The following PCDH15 variants were observed in gnomAD, a reference collection of about 807,000 sequenced individuals.
PCDH15 encodes the protein protocadherin-15.
In PCDH15, 129 loss-of-function variants were observed where a neutral mutation model predicts 178.5. The observed-to-expected ratio is 0.72, with a 90% CI of 0.63 to 0.84. PCDH15 has a LOEUF of 0.84. PCDH15 is among the 40% of genes least tolerant of loss of function. The pLI is 0.00. For missense variants in PCDH15, 2,230 were observed against 2,099.9 expected, an observed-to-expected ratio of 1.06 and a Z score of -1.21; for synonymous variants, 800 against 732.0, an observed-to-expected ratio of 1.09 and a Z score of -1.50.
At chr10:55,473,270 T>A (rs1195641523) in intron 2 of PCDH15, among the ~76,000 whole-genome samples, 1 of 152,156 alleles carries the variant, frequency 6.6e-6, no homozygotes, top group Non-Finnish European at 1.5e-5. Context: ...AGCTTTCTTT[T>A]TTATGCACTC....
At chr10:54,351,292 C>A (rs2134257259) in intron 5 of PCDH15, among the ~76,000 whole-genome samples, 1 of 152,138 alleles carries the variant, frequency 6.6e-6, no homozygotes, top group African/African-American at 2.4e-5. Flanking sequence ...AAAGACATGG[C>A]AGAAAGCCCA....
At chr10:54,522,669 C>T (rs2082997143) in intron 3 of PCDH15, among the ~76,000 whole-genome samples, 1 of 152,102 alleles carries the variant, frequency 6.6e-6, no homozygotes, top group Non-Finnish European at 1.5e-5. Flanking sequence ...TCTGATGCAT[C>T]GCCAGTACCA....
intron 1 of PCDH15, among the ~76,000 whole-genome samples, chr10:55,193,395 T>C (rs1440965076): frequency 6.6e-6 from 1 of 151,950 alleles, no homozygotes; most frequent in Non-Finnish European, 1.5e-5. Flanking sequence ...ATGTGCCTAG[T>C]CTGAGTTATT....
chr10:54,395,595 T>C (rs1951106020), intron 3 of PCDH15, among the ~76,000 whole-genome samples: 1 of 151,752 alleles, frequency 6.6e-6, no homozygotes, highest in Non-Finnish European at 1.5e-5. Flanking sequence ...ATCGTTTTGA[T>C]TAAAGTCACA....
rs781579614 is a variant in PCDH15, at chr10:54,066,777, C to A, written c.2200G>T (p.Ala734Ser). Residue 734 changes from alanine (A) to serine (S), a missense_variant, in exon 18 of 38, where the codon GCC (alanine) becomes TCC (serine). By Grantham distance (99) the Ala-to-Ser change is moderately conservative. Transcript: ENST00000644397. ...NLSVVEEEAN[A>S]FVGQVKATDP... is the part of the protein sequence containing the mutation. ...CTTACTTTTACTTGACCCACAAAGGCATTGGCTTCTTCTTCCACCACAGAT... is the reference window on the plus strand; with the variant it reads ...CTTACTTTTACTTGACCCACAAAGGAATTGGCTTCTTCTTCCACCACAGAT... 2 of 1,613,398 alleles carry A rather than the reference C, an allele frequency of 1.2e-6. No individual in the cohort carries two copies. The highest frequency in any genetic ancestry group is 3.3e-5 in the Admixed American group (2 of 60,012).
At chr10:54,447,599 A>G (rs901702739) in intron 3 of PCDH15, among the ~76,000 whole-genome samples, 2 of 151,646 alleles carry the variant, frequency 1.3e-5, no homozygotes, top group African/African-American at 2.4e-5. Context: ...CCTTTTGTAG[A>G]TCTGTTACTG....
rs371112581 is a variant in PCDH15, at chr10:54,445,167, T to C, written c.158-66225A>G. On this transcript the variant is annotated intron_variant, in intron 3 of 37. Coordinates refer to ENST00000644397, the MANE Select transcript of PCDH15 (RefSeq NM_001384140.1). ...TTGACTTTTCACTTCTCAATTGTTT[T>C]GTTTGTAATTTTTTTGCTTTTATTT... 1.9e-3 allele frequency among the ~76,000 whole-genome samples: 282 copies of C among 151,492 alleles called. 1 individual carries two copies. The highest frequency in any genetic ancestry group is 0.01 in the Middle Eastern group (3 of 294).
At chr10:55,556,332 A>G (rs1260428503) in intron 2 of PCDH15, among the ~76,000 whole-genome samples, 1 of 152,134 alleles carries the variant, frequency 6.6e-6, no homozygotes, top group Non-Finnish European at 1.5e-5. Flanking sequence ...GATTTACATT[A>G]AAGAATGGAA....
chr10:54,895,291 C>T (rs898029372), intron 3 of PCDH15, among the ~76,000 whole-genome samples: 1 of 152,064 alleles, frequency 6.6e-6, no homozygotes, highest in Non-Finnish European at 1.5e-5. Flanking sequence ...AGGGATTATA[C>T]TTCTACAGAT....
intron 2 of PCDH15, among the ~76,000 whole-genome samples, chr10:55,475,297 G>C (rs1840040749): frequency 6.6e-6 from 1 of 152,084 alleles, no homozygotes; most frequent in Admixed American, 6.6e-5. Context: ...GTTGGGAAAA[G>C]ACAAACATCC....
intron 8 of PCDH15, among the ~76,000 whole-genome samples, chr10:54,250,011 G>C (rs933829604): frequency 1.3e-5 from 2 of 151,482 alleles, no homozygotes; most frequent in African/African-American, 4.9e-5. Context: ...TCATGGGCTC[G>C]GACCATCCTC....
At chr10:54,625,319 T>C (rs1391507405) in intron 2 of PCDH15, among the ~76,000 whole-genome samples, 1 of 152,188 alleles carries the variant, frequency 6.6e-6, no homozygotes, top group African/African-American at 2.4e-5. Flanking sequence ...AGGAAAGGAC[T>C]ACAAGTTTCC....
At chr10:54,195,004 A>G (rs1369092923) in intron 11 of PCDH15, among the ~76,000 whole-genome samples, 1 of 152,180 alleles carries the variant, frequency 6.6e-6, no homozygotes, top group Admixed American at 6.5e-5. Context: ...ACATGATACC[A>G]AAGTCTTTCA....
chr10:55,062,247 C>A (rs2132000587), intron 2 of PCDH15, among the ~76,000 whole-genome samples: 1 of 152,198 alleles, frequency 6.6e-6, no homozygotes, highest in East Asian at 1.9e-4. Context: ...CTCTTTTGTC[C>A]TTTCCACCAT....
chr10:55,597,404 C>G (rs1369768153), intron 2 of PCDH15, among the ~76,000 whole-genome samples: 2 of 151,980 alleles, frequency 1.3e-5, no homozygotes, highest in Non-Finnish European at 2.9e-5. Flanking sequence ...GTACCCTTGC[C>G]GACCCCCAGA....
chr10:54,640,837 C>T (rs1342862080), intron 2 of PCDH15, among the ~76,000 whole-genome samples: 2 of 152,218 alleles, frequency 1.3e-5, no homozygotes, highest in Non-Finnish European at 2.9e-5. Context: ...GGCTCAGTGG[C>T]TCAAGCCTGT....
chr10:54,073,036 G>A (rs570102383), intron 17 of PCDH15, among the ~76,000 whole-genome samples: 1 of 152,114 alleles, frequency 6.6e-6, no homozygotes, highest in Admixed American at 6.6e-5. Context: ...ATACATTATT[G>A]TCTAAGTAGG....
At chr10:55,236,083 C>A (rs1247603153) in intron 1 of PCDH15, among the ~76,000 whole-genome samples, 1 of 151,794 alleles carries the variant, frequency 6.6e-6, no homozygotes, top group East Asian at 1.9e-4. Flanking sequence ...CTTTTATTCT[C>A]TGTCCTGCTG....
intron 10 of PCDH15, among the ~76,000 whole-genome samples, chr10:54,198,395 C>G (rs560202755): frequency 6.6e-6 from 1 of 151,924 alleles, no homozygotes; most frequent in Non-Finnish European, 1.5e-5. Flanking sequence ...CTCTGCTTCA[C>G]TCTTACAGGC....
Sources: allele counts gnomAD v4.1 joint callset (sites outside exome capture counted in the v4.1 genomes callset), GRCh38; gene constraint gnomAD v4.1.1; transcripts MANE v1.5; gene names NCBI Gene and HGNC (gene_info 2026-07-23, HGNC 2026-07-21).